The following SLC6A6 variants were observed in gnomAD, a reference collection of about 807,000 sequenced individuals.
SLC6A6 encodes sodium- and chloride-dependent taurine transporter.
In SLC6A6, 16 loss-of-function variants were observed where a neutral mutation model predicts 68.8. The ratio of observed to expected loss-of-function variants is 0.23; its 90% CI spans 0.16 to 0.35. The LOEUF (loss-of-function observed/expected upper bound fraction) is 0.35, where lower values mean the gene tolerates loss of function less well. Ranked by LOEUF, SLC6A6 falls within the 10% of genes least tolerant of loss-of-function variation. The pLI is 1.00. For missense variants in SLC6A6, 474 were observed against 802.8 expected (o/e 0.59, Z 4.95); for synonymous variants, 312 against 315.4 (o/e 0.99, Z 0.12).
chr3:14,445,930 A>G (rs1047218910), intron 4 of SLC6A6, 79 bp downstream of exon 4: 36 of 1,470,652 alleles, frequency 2.4e-5, no homozygotes, highest in African/African-American at 1.4e-4. Flanking sequence ...ATTGTCTGCC[A>G]GGTCCATTGG....
intron 5 of SLC6A6, among the ~76,000 whole-genome samples, chr3:14,456,640 A>C (rs2124965219): frequency 6.6e-6 from 1 of 152,320 alleles, no homozygotes; most frequent in East Asian, 1.9e-4. Context: ...TGTGGGGGTA[A>C]TCCCACGGAC....
chr3:14,481,913 C>G lies in SLC6A6; in HGVS notation c.1722+72C>G. 2 of 1,358,142 alleles carry G rather than the reference C, an allele frequency of 1.5e-6. No individual in the cohort carries two copies. Among genetic ancestry groups the G allele is most frequent in the Non-Finnish European group, 2.1e-6 (2 of 971,300 alleles). The allele number at this position is 1,358,142 out of a possible 1,614,324, so 84.1% of individuals were successfully genotyped here. A position where few individuals can be genotyped will look rare whatever the true frequency, so the allele number is the denominator to read the frequency against. The stretch of plus-strand genomic sequence containing the variant: ...AAAGGTGATTGTTGTCAGTTTGCTG[C>G]GTGATCTCAGGCAAGTCACCTGCCC... On this transcript the variant is annotated intron_variant, in intron 14 of 14. Transcript: ENST00000622186. This position sits in a 1 kb window ranked among gnomAD's most constrained non-coding sequence, Gnocchi z 4.7.
Position 14,443,620 on chromosome 3 carries a change from A to G in SLC6A6, c.-11-4A>G, listed in dbSNP as rs199790312. On this transcript the variant is annotated splice_region_variant and splice_polypyrimidine_tract_variant and intron_variant, in intron 2 of 14. Transcript: ENST00000622186. Reference sequence around the variant, plus strand: ...GCAGGATGCTTCTCTTTTGTCCCCCATAGAAAGCAAGGAGATGGCCACCAA... The same window carrying G: ...GCAGGATGCTTCTCTTTTGTCCCCCGTAGAAAGCAAGGAGATGGCCACCAA... The G allele has an allele frequency of 3.1e-6, 5 of 1,589,634 alleles. No homozygotes were observed. In the African/African-American group the frequency reaches 5.4e-5, roughly 17 times the overall value.
intron 4 of SLC6A6, among the ~76,000 whole-genome samples, chr3:14,446,718 G>A (rs55680800): frequency 0.2 from 29,927 of 152,026 alleles, 3,186 homozygotes; most frequent in East Asian, 0.39. Context: ...CTATGAAATA[G>A]AAATATAGTC....
At chr3:14,433,775 C>A (rs1024920760) in intron 2 of SLC6A6, among the ~76,000 whole-genome samples, 1 of 128,796 alleles carries the variant, frequency 7.8e-6, no homozygotes. Context: ...TGCACTCCAG[C>A]TTGGGCAACA....
intron 10 of SLC6A6, among the ~76,000 whole-genome samples, chr3:14,474,159 G>C (rs1480711379): frequency 1.3e-5 from 2 of 152,226 alleles, no homozygotes; most frequent in Non-Finnish European, 2.9e-5. Context: ...CCATGTCCCA[G>C]GGAACCAGGA....
chr3:14,441,523 C>G (rs189995059), intron 2 of SLC6A6, among the ~76,000 whole-genome samples: 1 of 152,194 alleles, frequency 6.6e-6, no homozygotes, highest in Non-Finnish European at 1.5e-5. Context: ...CTTCAGGAAG[C>G]CTTTCTTGGT....
At chr3:14,422,002 G>A (rs760309472) in intron 2 of SLC6A6, among the ~76,000 whole-genome samples, 10 of 152,126 alleles carry the variant, frequency 6.6e-5, no homozygotes, top group Non-Finnish European at 1.2e-4. Context: ...CTTAAGGGAG[G>A]GGGCTTTTTC....
chr3:14,460,048 C>T (rs1164915542), intron 6 of SLC6A6, among the ~76,000 whole-genome samples: 1 of 152,026 alleles, frequency 6.6e-6, no homozygotes, highest in Non-Finnish European at 1.5e-5. Context: ...AGGCACATGC[C>T]ACCATGCCCT....
At chr3:14,484,700 C>A (rs1701097431) in intron 14 of SLC6A6, among the ~76,000 whole-genome samples, 167 bp from the exon 15 acceptor site, 1 of 152,200 alleles carries the variant, frequency 6.6e-6, no homozygotes, top group Non-Finnish European at 1.5e-5. Flanking sequence ...CGCCTTAGTT[C>A]AATTCCATTA....
chr3:14,435,102 G>A (rs1416334736), intron 2 of SLC6A6, among the ~76,000 whole-genome samples: 1 of 152,222 alleles, frequency 6.6e-6, no homozygotes, highest in Non-Finnish European at 1.5e-5. Context: ...GAAGAACTAC[G>A]TGGTCTGGCT....
In SLC6A6 at chr3:14,481,361, A is replaced by T. The variant is rs1248403044; in HGVS notation, c.1552-310A>T. ...CAGGGTGGCTGGAGTGTGGACACGGAGGGAGAGTTGAGGCAGATGAGGGAG... is the reference window on the plus strand; with the variant it reads ...CAGGGTGGCTGGAGTGTGGACACGGTGGGAGAGTTGAGGCAGATGAGGGAG... On this transcript the variant is annotated intron_variant, in intron 13 of 14. Coordinates refer to ENST00000622186, the MANE Select transcript of SLC6A6 (RefSeq NM_003043.6). The surrounding 1 kb of genome is among the most constrained non-coding windows in gnomAD (Gnocchi z 4.7). 6.6e-6 allele frequency among the ~76,000 whole-genome samples: 1 copy of T among 152,114 alleles called. No homozygotes were observed. Among genetic ancestry groups the T allele is most frequent in the Non-Finnish European group, 1.5e-5 (1 of 68,010 alleles).
chr3:14,446,916 G>A (rs991785155), intron 4 of SLC6A6, among the ~76,000 whole-genome samples: 14 of 152,096 alleles, frequency 9.2e-5, no homozygotes, highest in South Asian at 8.3e-4. Flanking sequence ...CTCTTCATTC[G>A]GTCATCCACG....
chr3:14,430,467 A>T (rs1699699373), intron 2 of SLC6A6, among the ~76,000 whole-genome samples: 1 of 152,126 alleles, frequency 6.6e-6, no homozygotes, highest in Admixed American at 6.5e-5. Context: ...GGAGATGGCT[A>T]CCACTGGGGG....
intron 10 of SLC6A6, among the ~76,000 whole-genome samples, chr3:14,476,752 G>A (rs1700887312): frequency 6.6e-6 from 1 of 152,266 alleles, no homozygotes; most frequent in Non-Finnish European, 1.5e-5. Context: ...AAAAGTGAAT[G>A]TGATACCACC....
intron 1 of SLC6A6, among the ~76,000 whole-genome samples, chr3:14,413,537 C>A (rs1267724011): frequency 6.6e-6 from 1 of 152,234 alleles, no homozygotes; most frequent in African/African-American, 2.4e-5. Flanking sequence ...ATGGGCATCA[C>A]GTGGGAGCCT....
At chr3:14,437,815 TTTTATTTTATTTTA>T (rs1252277123) in intron 2 of SLC6A6, among the ~76,000 whole-genome samples, 1 of 150,932 alleles carries the variant, frequency 6.6e-6, no homozygotes. Context: ...TTATTTATTA[TTTTATTTTATTTTA>T]TTTATTTTAT....
intron 2 of SLC6A6, among the ~76,000 whole-genome samples, chr3:14,435,772 T>A (rs1207807086): frequency 6.6e-6 from 1 of 152,208 alleles, no homozygotes; most frequent in South Asian, 2.1e-4. Flanking sequence ...GTTTAGAAAC[T>A]GAAAAATGTG....
intron 14 of SLC6A6, among the ~76,000 whole-genome samples, chr3:14,482,517 T>G (rs1025786098): frequency 6.6e-6 from 1 of 152,238 alleles, no homozygotes. Context: ...CTTAACCTTT[T>G]GAGCTTGGGC....
Sources: allele counts gnomAD v4.1 joint callset (sites outside exome capture counted in the v4.1 genomes callset), GRCh38; gene constraint gnomAD v4.1.1; non-coding constraint Gnocchi (gnomAD v3.1); transcripts MANE v1.5; gene names NCBI Gene and HGNC (gene_info 2026-07-23, HGNC 2026-07-21).